Variants in C8orf34 observed in about 807,000 individuals in gnomAD.
The protein encoded by C8orf34 is uncharacterized protein C8orf34.
Under a neutral mutation model 68.3 loss-of-function variants are expected in C8orf34, and 65 were observed. The ratio of observed to expected loss-of-function variants is 0.95; its 90% CI spans 0.78 to 1.17. The LOEUF (loss-of-function observed/expected upper bound fraction) is 1.17. Among genes scored for constraint, C8orf34 ranks in the 50% most tolerant of loss-of-function variants. The pLI, the probability that C8orf34 is intolerant of heterozygous loss-of-function variation, is 0.00. For synonymous variants in C8orf34, 244 were observed against 241.2 expected (o/e 1.01, Z -0.11); for missense variants, 664 against 655.4 (o/e 1.01, Z -0.14).
chr8:68,415,250 C>T (rs539780121), intron 1 of C8orf34, among the ~76,000 whole-genome samples: 436 of 152,138 alleles, frequency 2.9e-3, no homozygotes, highest in Non-Finnish European at 4.2e-3. Flanking sequence ...GGAGGCCAGG[C>T]GGGTGGATCA....
At chr8:68,810,457 G>A (rs940020843) in intron 12 of C8orf34, among the ~76,000 whole-genome samples, 4 of 152,220 alleles carry the variant, frequency 2.6e-5, no homozygotes, top group Non-Finnish European at 5.9e-5. Context: ...GGCTCAGGGA[G>A]CTCCTACTTC....
At chr8:68,534,497 C>T (rs111988346) in intron 7 of C8orf34, 70 of 611,004 alleles carry the variant, frequency 1.1e-4, no homozygotes, top group Middle Eastern at 8.4e-4. Flanking sequence ...GTGCTAACTG[C>T]GCTAATTGGA....
chr8:68,433,964 T>C (rs998041111), intron 1 of C8orf34, among the ~76,000 whole-genome samples: 4 of 152,216 alleles, frequency 2.6e-5, no homozygotes, highest in African/African-American at 9.6e-5. Context: ...ATTTTCTAAA[T>C]AGCACTACAA....
intron 1 of C8orf34, among the ~76,000 whole-genome samples, chr8:68,427,785 T>C (rs922454368): frequency 1.8e-4 from 27 of 152,018 alleles, no homozygotes; most frequent in Non-Finnish European, 4.4e-5. Context: ...GATATCAACA[T>C]TGAAAGAAGC....
At chr8:68,573,498 C>G (rs1816815208) in intron 7 of C8orf34, among the ~76,000 whole-genome samples, 1 of 152,122 alleles carries the variant, frequency 6.6e-6, no homozygotes. Context: ...CCCAATGGAT[C>G]TGCAGATGCA....
chr8:68,570,815 A>G (rs542575275), intron 7 of C8orf34, among the ~76,000 whole-genome samples: 1 of 152,332 alleles, frequency 6.6e-6, no homozygotes, highest in South Asian at 2.1e-4. Flanking sequence ...AAGTGTGCAC[A>G]TTAAGGTACG....
chr8:68,505,261 T>A (rs974661050), intron 5 of C8orf34, among the ~76,000 whole-genome samples: 2 of 152,250 alleles, frequency 1.3e-5, no homozygotes, highest in Non-Finnish European at 2.9e-5. Flanking sequence ...TTGTACTTTT[T>A]ATTTACATTT....
chr8:68,513,643 G>A (rs1586294346), intron 5 of C8orf34, among the ~76,000 whole-genome samples: 1 of 152,362 alleles, frequency 6.6e-6, no homozygotes, highest in East Asian at 1.9e-4. Flanking sequence ...GCCTGGTGAA[G>A]AACCTTTTAT....
intron 7 of C8orf34, among the ~76,000 whole-genome samples, chr8:68,583,040 T>C (rs576105774): frequency 5.6e-4 from 86 of 152,276 alleles, no homozygotes; most frequent in Middle Eastern, 6.8e-3. Flanking sequence ...ATTTTCATTA[T>C]AAATGTAAGT....
intron 1 of C8orf34, among the ~76,000 whole-genome samples, chr8:68,339,005 C>T (rs1447454059): frequency 1.3e-5 from 2 of 151,880 alleles, no homozygotes; most frequent in Non-Finnish European, 1.5e-5. Context: ...ATTTGCCTTC[C>T]GTATATCTTT....
intron 11 of C8orf34, among the ~76,000 whole-genome samples, chr8:68,785,964 T>C (rs1823833264): frequency 6.6e-6 from 1 of 152,222 alleles, no homozygotes; most frequent in South Asian, 2.1e-4. Flanking sequence ...ATAAAGGAAC[T>C]GTTTTAAGCA....
intron 2 of C8orf34, among the ~76,000 whole-genome samples, chr8:68,444,442 G>T (rs956746963): frequency 6.6e-6 from 1 of 151,888 alleles, no homozygotes; most frequent in African/African-American, 2.4e-5. Context: ...TCTCCATTGT[G>T]AATACTGTAT....
At chr8:68,695,228 C>A (rs1820794608) in intron 8 of C8orf34, among the ~76,000 whole-genome samples, 1 of 151,346 alleles carries the variant, frequency 6.6e-6, no homozygotes, top group Admixed American at 6.6e-5. Context: ...CTCACTGCAA[C>A]CTCTGCCTCC....
chr8:68,639,385 T>G (rs1818937303), intron 7 of C8orf34, among the ~76,000 whole-genome samples: 1 of 152,086 alleles, frequency 6.6e-6, no homozygotes, highest in South Asian at 2.1e-4. Flanking sequence ...GTTCATGATT[T>G]AGACTGAGTT....
In C8orf34 at chr8:68,656,108, C is replaced by T. The variant is rs561873808; in HGVS notation, c.1241+15597C>T. Among the ~76,000 whole-genome samples, 29 of 152,250 alleles carry T rather than the reference C, an allele frequency of 1.9e-4. No individual in the cohort carries two copies. In the East Asian group the frequency reaches 3.1e-3, roughly 16 times the overall value. ...CTGCTCTCCTCTTCCAGGTTATGTG[C>T]CTACCAGAAATCAGGTATTGCATAT... is the stretch of plus-strand genomic sequence containing the variant. On this transcript the variant is annotated intron_variant, in intron 8 of 13. Coordinates refer to ENST00000518698, the MANE Select transcript of C8orf34 (RefSeq NM_052958.4).
At chr8:68,535,574 T>G in intron 7 of C8orf34, 1 of 810,908 alleles carries the variant, frequency 1.2e-6, no homozygotes, top group Non-Finnish European at 1.5e-6. Flanking sequence ...TCTTGTTTTG[T>G]TTATTAAGGA....
At chr8:68,463,169 G>A (rs184703382) in intron 3 of C8orf34, among the ~76,000 whole-genome samples, 16 of 149,570 alleles carry the variant, frequency 1.1e-4, no homozygotes, top group East Asian at 2.0e-4. Flanking sequence ...ACACCTCTGC[G>A]CAAATAAACT....
At chr8:68,368,801 G>A (rs1807429548) in intron 1 of C8orf34, among the ~76,000 whole-genome samples, 1 of 152,088 alleles carries the variant, frequency 6.6e-6, no homozygotes, top group African/African-American at 2.4e-5. Flanking sequence ...TTGCATTTCT[G>A]GAAGAAATTG....
intron 7 of C8orf34, among the ~76,000 whole-genome samples, chr8:68,550,982 A>G (rs572652249): frequency 6.6e-6 from 1 of 151,208 alleles, no homozygotes; most frequent in African/African-American, 2.4e-5. Context: ...TAGTATGCCT[A>G]GGTATAGTTC....
Sources: gnomAD v4.1 joint callset for allele counts (sites outside exome capture counted in the v4.1 genomes callset) on GRCh38, gnomAD v4.1.1 for gene constraint, MANE v1.5 for transcripts, NCBI Gene and HGNC (gene_info 2026-07-23, HGNC 2026-07-21) for gene names.